Variants in PPP4R4 observed in about 807,000 individuals in gnomAD.
PPP4R4 encodes the protein serine/threonine-protein phosphatase 4 regulatory subunit 4.
A neutral mutation model predicts 121.8 loss-of-function variants in PPP4R4; 70 were observed. The observed-to-expected ratio is 0.57, with a 90% confidence interval of 0.47 to 0.70. The LOEUF is 0.70. Among genes scored for constraint, PPP4R4 ranks in the 30% least tolerant of loss-of-function variants. The pLI is 0.00. For synonymous variants in PPP4R4, 348 were observed against 355.7 expected (o/e 0.98, Z 0.24); for missense variants, 875 against 1,033.6 (o/e 0.85, Z 2.10).
chr14:94,251,134 T>G (rs1566690510), intron 15 of PPP4R4, among the ~76,000 whole-genome samples: 1 of 152,084 alleles, frequency 6.6e-6, no homozygotes, highest in Non-Finnish European at 1.5e-5. Flanking sequence ...AAGATTCAGT[T>G]TGGTTTTATT....
intron 22 of PPP4R4, 80 bp downstream of exon 22, chr14:94,265,967 T>C (rs1369451230): frequency 1.0e-6 from 1 of 977,588 alleles, no homozygotes; most frequent in Non-Finnish European, 1.5e-6. Flanking sequence ...TTACATTTTA[T>C]AAAAATCAGA....
Position 94,278,746 on chromosome 14 carries a change from G to A in PPP4R4, c.*103G>A. The stretch of plus-strand genomic sequence containing the variant: ...CTGGGGCTTTGTTTTTAAATTTTGG[G>A]TTTTTTTTTTTGTTGTTGTTAATGA... On this transcript the variant is annotated 3_prime_UTR_variant, in exon 25 of 25. Transcript: ENST00000304338. The A allele has an allele frequency of 2.1e-6, 2 of 974,036 alleles. No individual in the cohort carries two copies. The highest frequency in any genetic ancestry group is 2.8e-6 in the Non-Finnish European group (2 of 721,940). The allele number at this position is 974,036 out of a possible 1,614,324, so 60.3% of individuals were successfully genotyped here. A position where few individuals can be genotyped will look rare whatever the true frequency, so the allele number is the denominator to read the frequency against.
At chr14:94,208,669 TA>T in intron 3 of PPP4R4, 103 bp downstream of exon 3, 1 of 785,950 alleles carries the variant, frequency 1.3e-6, no homozygotes, top group Non-Finnish European at 2.0e-6. Context: ...CTTTTGCACC[TA>T]AAAATTGAGT....
intron 2 of PPP4R4, among the ~76,000 whole-genome samples, chr14:94,177,214 G>A (rs60581148): frequency 9.2e-5 from 14 of 152,202 alleles, no homozygotes; most frequent in Non-Finnish European, 1.9e-4. Flanking sequence ...TCTGATAATT[G>A]TATCATTTAG....
chr14:94,219,898 C>G (rs1014771174), intron 3 of PPP4R4, among the ~76,000 whole-genome samples: 2 of 152,062 alleles, frequency 1.3e-5, no homozygotes, highest in African/African-American at 2.4e-5. Flanking sequence ...CAGTTTTAGT[C>G]TAGTCTAGGC....
chr14:94,224,719 CAG>C (rs1268375784), intron 3 of PPP4R4, among the ~76,000 whole-genome samples: 1 of 151,950 alleles, frequency 6.6e-6, no homozygotes, highest in East Asian at 1.9e-4. Flanking sequence ...GTAGAGTTTG[CAG>C]AGAGTTGTAT....
rs1040121280 is a variant in PPP4R4, at chr14:94,277,123, A to G, written c.2598-1496A>G. Reference sequence around the variant, plus strand: ...AGACCAGCCTGGCCAACATGGTGAAACCCTGTCTCTACTAAAAAATTACAA... The same window carrying G: ...AGACCAGCCTGGCCAACATGGTGAAGCCCTGTCTCTACTAAAAAATTACAA... On this transcript the variant is annotated intron_variant, in intron 24 of 24. Coordinates refer to ENST00000304338, the MANE Select transcript of PPP4R4 (RefSeq NM_058237.2). 3.7e-4 allele frequency among the ~76,000 whole-genome samples: 57 copies of G among 152,062 alleles called. 1 individual carries two copies. The highest frequency in any genetic ancestry group is 1.3e-3 in the African/African-American group (55 of 41,400).
At chr14:94,253,409 G>A (rs1045322873) in intron 16 of PPP4R4, among the ~76,000 whole-genome samples, 1 of 151,884 alleles carries the variant, frequency 6.6e-6, no homozygotes, top group African/African-American at 2.4e-5. Context: ...GCAGTGAACC[G>A]AGATCACACC....
chr14:94,211,386 C>T (rs1401481755), intron 3 of PPP4R4, among the ~76,000 whole-genome samples: 1 of 152,094 alleles, frequency 6.6e-6, no homozygotes, highest in Admixed American at 6.6e-5. Flanking sequence ...GAATGCCTTT[C>T]TGAGGAGCAG....
Position 94,174,415 on chromosome 14 carries a change from C to G in PPP4R4, c.-51C>G, listed in dbSNP as rs772439152. The G allele has an allele frequency of 1.1e-4, 160 of 1,429,490 alleles. 3 individuals carry two copies. The highest frequency in any genetic ancestry group is 9.8e-4 in the South Asian group (67 of 68,276). The allele number at this position is 1,429,490 out of a possible 1,614,324, so 88.6% of individuals were successfully genotyped here. ...TGGGCGGCCGCGGGGCTGAGGGCGT[C>G]CGGCATCCCGGGGCCGCTCCGGCCC... is the stretch of plus-strand genomic sequence containing the variant. On this transcript the variant is annotated 5_prime_UTR_variant, in exon 1 of 25. Coordinates refer to ENST00000304338, the MANE Select transcript of PPP4R4 (RefSeq NM_058237.2).
intron 23 of PPP4R4, among the ~76,000 whole-genome samples, chr14:94,268,059 T>C (rs1246771751): frequency 6.6e-6 from 1 of 152,224 alleles, no homozygotes; most frequent in Non-Finnish European, 1.5e-5. Flanking sequence ...ACTAAAATTT[T>C]CCCCATATCT....
Position 94,258,771 on chromosome 14 carries a change from C to T in PPP4R4, c.2011-12C>T, listed in dbSNP as rs767143297. On this transcript the variant is annotated splice_polypyrimidine_tract_variant and intron_variant, in intron 17 of 24. Transcript: ENST00000304338. Reference sequence around the variant, plus strand: ...AATTACTTTAGAATAATTTTAAAAACTTTCCTTATAGACTGTATTAGAGTT... The same window carrying T: ...AATTACTTTAGAATAATTTTAAAAATTTTCCTTATAGACTGTATTAGAGTT... 4 of 1,549,868 alleles carry T rather than the reference C, an allele frequency of 2.6e-6. No homozygotes were observed. The South Asian group carries it at 4.5e-5, about 18-fold the overall frequency.
chr14:94,275,886 T>C lies in PPP4R4; in HGVS notation c.2597+365T>C, dbSNP rs542481205. The stretch of plus-strand genomic sequence containing the variant: ...TTTAATCACCCAGTGTGCAGAAAGA[T>C]TGGTAAAGCTGATGTCACTTAAGAA... On this transcript the variant is annotated intron_variant, in intron 24 of 24. Transcript: ENST00000304338. Among the ~76,000 whole-genome samples the C allele has an allele frequency of 1.9e-4, 29 of 152,288 alleles. No individual in the cohort carries two copies. In the East Asian group the frequency reaches 5.6e-3, roughly 29 times the overall value.
In PPP4R4 at chr14:94,241,977, A is replaced by G; in HGVS notation, c.1146+20A>G. On this transcript the variant is annotated intron_variant, in intron 10 of 24. Transcript: ENST00000304338. ...TTTCCGGTAATAAATATGTATTTAT[A>G]TTTACTGAGGATTTTTATTATAACT... 1 of 1,553,212 alleles carries G rather than the reference A, an allele frequency of 6.4e-7. No individual in the cohort carries two copies. The highest frequency in any genetic ancestry group is 1.2e-5 in the South Asian group (1 of 83,870).
chr14:94,197,291 G>C (rs1413879279), intron 2 of PPP4R4, among the ~76,000 whole-genome samples: 1 of 147,162 alleles, frequency 6.8e-6, no homozygotes, highest in Non-Finnish European at 1.5e-5. Flanking sequence ...GCTGTTGGAG[G>C]ATACAAAACC....
At chr14:94,243,129 A>G (rs778173514) in intron 11 of PPP4R4, among the ~76,000 whole-genome samples, 8 of 152,126 alleles carry the variant, frequency 5.3e-5, no homozygotes, top group Non-Finnish European at 1.2e-4. Flanking sequence ...ATGATCTGCA[A>G]GTGTGCAGGA....
At chr14:94,242,260 A>G (rs1348526195) in intron 10 of PPP4R4, 29 bp from the exon 11 acceptor site, 2 of 1,604,734 alleles carry the variant, frequency 1.2e-6, no homozygotes, top group Non-Finnish European at 1.7e-6. Context: ...TTTCCTTCCC[A>G]CTCATCTCCT....
chr14:94,263,310 T>TA (rs1038315494), intron 19 of PPP4R4, among the ~76,000 whole-genome samples: 4 of 152,098 alleles, frequency 2.6e-5, no homozygotes, highest in South Asian at 4.1e-4. Flanking sequence ...TCTCAATTTT[T>TA]AAAAAAACTC....
At chr14:94,189,022 A>T (rs532823693) in intron 2 of PPP4R4, among the ~76,000 whole-genome samples, 7 of 152,312 alleles carry the variant, frequency 4.6e-5, no homozygotes, top group African/African-American at 1.7e-4. Flanking sequence ...AAGTATGTCT[A>T]AAACAATTAC....
Sources: gnomAD v4.1 joint callset for allele counts (sites outside exome capture counted in the v4.1 genomes callset) on GRCh38, gnomAD v4.1.1 for gene constraint, MANE v1.5 for transcripts, NCBI Gene and HGNC (gene_info 2026-07-23, HGNC 2026-07-21) for gene names.